WIPI2: variants seen among roughly 807,000 people sequenced by gnomAD.
WIPI2 encodes WD repeat domain phosphoinositide-interacting protein 2.
In WIPI2, 28 loss-of-function variants were observed where a neutral mutation model predicts 52.3. That is an observed-to-expected ratio of 0.54 (90% CI 0.40 to 0.73). WIPI2 has a LOEUF of 0.73. Ranked by LOEUF, WIPI2 falls within the 30% of genes least tolerant of loss-of-function variation. The probability of loss-of-function intolerance (pLI) is 0.00; values close to 1 mark genes in which losing one functional copy is unlikely to be tolerated. For synonymous variants in WIPI2, 268 were observed against 245.0 expected, an observed-to-expected ratio of 1.09 and a Z score of -0.88; for missense variants, 506 against 602.9, an observed-to-expected ratio of 0.84 and a Z score of 1.68.
At chr7:5,217,358 G>A in intron 6 of WIPI2, 171 bp downstream of exon 6, 2 of 677,528 alleles carry the variant, frequency 3.0e-6, no homozygotes, top group South Asian at 3.4e-5. Flanking sequence ...ATGCTGGAGT[G>A]CAGTGGTGCA....
Position 5,233,104 on chromosome 7 carries a change from G to T in WIPI2, c.*2157G>T, listed in dbSNP as rs1158204300. On this transcript the variant is annotated 3_prime_UTR_variant, in exon 13 of 13. Coordinates refer to ENST00000288828, the MANE Select transcript of WIPI2 (RefSeq NM_015610.4). ...CCACGGGAAGCCCTGTGCTTGCCTG[G>T]GTCAGGGCTAAGCTGTGCGCCCTAG... is the stretch of plus-strand genomic sequence containing the variant. The T allele has an allele frequency of 6.6e-6, 1 of 152,308 alleles. No homozygotes were observed. Among genetic ancestry groups the T allele is most frequent in the African/African-American group, 2.4e-5 (1 of 41,460 alleles). 9.4% of individuals were successfully genotyped at this position (152,308 alleles called of 1,614,324 possible).
Position 5,227,276 on chromosome 7 carries a change from C to T in WIPI2, c.945C>T (p.Asn315=). 1 of 1,613,760 alleles carries T rather than the reference C, an allele frequency of 6.2e-7. No homozygotes were observed. The highest frequency in any genetic ancestry group is 1.1e-5 in the South Asian group (1 of 91,090). ...YLPSQVTEMF[N]QGRAFATVRL... The stretch of plus-strand genomic sequence containing the variant: ...CTTCCCAAGTGACAGAAATGTTCAA[C>T]CAGGGCAGAGCCTTCGCCACGGTCC... The change falls in exon 10 of 13, where the codon AAC becomes AAT. Residue 315 remains asparagine, a synonymous_variant. Coordinates refer to ENST00000288828, the MANE Select transcript of WIPI2 (RefSeq NM_015610.4). This position sits in a 1 kb window ranked among gnomAD's most constrained non-coding sequence, Gnocchi z 8.1.
In WIPI2 at chr7:5,227,119, G is replaced by A; in HGVS notation, c.849-61G>A. On this transcript the variant is annotated intron_variant, in intron 9 of 12. Transcript: ENST00000288828. This position sits in a 1 kb window ranked among gnomAD's most constrained non-coding sequence, Gnocchi z 8.1. The stretch of plus-strand genomic sequence containing the variant: ...CCAGAGCTGTGCGTCTGTGTGAGTA[G>A]GGGGTGGCCGTCCCCCCAGGGAGGG... 3 of 1,599,404 alleles carry A rather than the reference G, an allele frequency of 1.9e-6. No homozygotes were observed. Among genetic ancestry groups the A allele is most frequent in the Non-Finnish European group, 2.6e-6 (3 of 1,171,806 alleles).
In WIPI2 at chr7:5,197,111, C is replaced by CAA. The variant is rs1562384541; in HGVS notation, c.129-2460_129-2459dup. 1.4e-3 allele frequency among the ~76,000 whole-genome samples: 78 copies of CAA among 56,394 alleles called. 4 individuals are homozygous for CAA. The highest frequency in any genetic ancestry group is 5.6e-3 in the African/African-American group (57 of 10,210). 37.0% of individuals were successfully genotyped at this position (56,394 alleles called of 152,430 possible). ...TGCATGACAGAGCGGGACTCCGTCT[C>CAA]AAAAAACAAAAAAAAAAAAAAAAAA... On this transcript the variant is annotated intron_variant, in intron 2 of 12. Coordinates refer to ENST00000288828, the MANE Select transcript of WIPI2 (RefSeq NM_015610.4).
At chr7:5,194,558 A>G (rs1376172148) in intron 2 of WIPI2, among the ~76,000 whole-genome samples, 1 of 152,232 alleles carries the variant, frequency 6.6e-6, no homozygotes, top group Non-Finnish European at 1.5e-5. Flanking sequence ...ATAAGCATTT[A>G]TTTTGGTTCC....
chr7:5,209,853 A>G (rs1782466504), intron 3 of WIPI2, among the ~76,000 whole-genome samples: 2 of 152,122 alleles, frequency 1.3e-5, no homozygotes, highest in South Asian at 4.2e-4. Context: ...GCCCATGCAT[A>G]TCCCCCAGCC....
chr7:5,225,620 T>C (rs1783389291), intron 8 of WIPI2, among the ~76,000 whole-genome samples: 1 of 152,232 alleles, frequency 6.6e-6, no homozygotes, highest in Admixed American at 6.5e-5. Context: ...AGCTTGCAGC[T>C]GTGTTAACGA....
At chr7:5,228,690 C>T (rs1254817595) in intron 11 of WIPI2, among the ~76,000 whole-genome samples, 2 of 152,234 alleles carry the variant, frequency 1.3e-5, no homozygotes, top group Non-Finnish European at 2.9e-5. Flanking sequence ...CATTTTCATT[C>T]TGTCTTACAT....
At chr7:5,221,607 G>C (rs1783132095) in intron 7 of WIPI2, among the ~76,000 whole-genome samples, 1 of 151,936 alleles carries the variant, frequency 6.6e-6, no homozygotes, top group Non-Finnish European at 1.5e-5. Flanking sequence ...TATTTTCTTG[G>C]CGCTTCTCTG....
In WIPI2 at chr7:5,231,921, G is replaced by T. The variant is rs1783740425; in HGVS notation, c.*974G>T. ...ACAGCAACAGAGAGTAGGCGGCTGG[G>T]CCACGTCCTTCACAGGGCGTCATGT... On this transcript the variant is annotated 3_prime_UTR_variant, in exon 13 of 13. Transcript: ENST00000288828. 3.1e-6 allele frequency: 1 copy of T among 326,992 alleles called. No homozygotes were observed. The highest frequency in any genetic ancestry group is 5.5e-6 in the Non-Finnish European group (1 of 180,790). 20.3% of individuals were successfully genotyped at this position (326,992 alleles called of 1,614,324 possible).
At chr7:5,193,889 C>G (rs905418941) in intron 2 of WIPI2, among the ~76,000 whole-genome samples, 3 of 152,144 alleles carry the variant, frequency 2.0e-5, no homozygotes, top group African/African-American at 7.2e-5. Context: ...AAGATGGTTT[C>G]TAAGATCCTT....
intron 7 of WIPI2, among the ~76,000 whole-genome samples, chr7:5,220,410 T>C (rs747591542): frequency 1.3e-5 from 2 of 151,754 alleles, no homozygotes; most frequent in African/African-American, 2.4e-5. Flanking sequence ...ACCCAGCTAA[T>C]TTTTGTATTT....
intron 5 of WIPI2, 98 bp from the exon 6 acceptor site, chr7:5,216,992 C>A (rs1273206971): frequency 1.6e-6 from 2 of 1,239,616 alleles, no homozygotes; most frequent in Non-Finnish European, 2.3e-6. Flanking sequence ...ATTATTTGTT[C>A]CTAATGCTCT....
intron 6 of WIPI2, chr7:5,217,393 C>T (rs1340794862): frequency 1.8e-6 from 1 of 570,468 alleles, no homozygotes; most frequent in Non-Finnish European, 3.2e-6. Context: ...CAGCCTCAAC[C>T]TCCTGGGCTC....
chr7:5,214,442 G>T, intron 3 of WIPI2, 93 bp from the exon 4 acceptor site: 1 of 1,612,660 alleles, frequency 6.2e-7, no homozygotes, highest in Non-Finnish European at 8.5e-7. Context: ...CCTGCGTGTC[G>T]CCCAGGCAGG....
chr7:5,202,046 CAG>C (rs1319578310), intron 3 of WIPI2, among the ~76,000 whole-genome samples: 4 of 152,004 alleles, frequency 2.6e-5, no homozygotes, highest in Admixed American at 2.0e-4. Flanking sequence ...TAGGTGGACT[CAG>C]AGGAAAGAAT....
intron 3 of WIPI2, among the ~76,000 whole-genome samples, chr7:5,200,141 G>C (rs1221474722): frequency 6.6e-6 from 1 of 152,182 alleles, no homozygotes; most frequent in Non-Finnish European, 1.5e-5. Flanking sequence ...GTCATGTTTT[G>C]TGTGGTTCTA....
chr7:5,193,224 A>G (rs1331713129), intron 2 of WIPI2, 53 bp downstream of exon 2: 4 of 1,590,032 alleles, frequency 2.5e-6, no homozygotes, highest in South Asian at 2.3e-5. Context: ...CTTATGTTAG[A>G]GGACTTTTTT....
At position 5,205,165 on chromosome 7, in the gene WIPI2, G is replaced by A. The variant is rs193047286; in HGVS notation, c.211+5507G>A. Among the ~76,000 whole-genome samples, 853 of 152,246 alleles carry A rather than the reference G, an allele frequency of 5.6e-3. 7 individuals carry two copies. The highest frequency in any genetic ancestry group is 0.02 in the African/African-American group (825 of 41,538). ...TACATTTTGTATTTTTAGTAGAGACGGGGTTTCACCATGTTGGCTAGGCTG... is the reference window on the plus strand; with the variant it reads ...TACATTTTGTATTTTTAGTAGAGACAGGGTTTCACCATGTTGGCTAGGCTG... On this transcript the variant is annotated intron_variant, in intron 3 of 12. Coordinates refer to ENST00000288828, the MANE Select transcript of WIPI2 (RefSeq NM_015610.4).
Sources: gnomAD v4.1 joint callset for allele counts (sites outside exome capture counted in the v4.1 genomes callset) on GRCh38, gnomAD v4.1.1 for gene constraint, Gnocchi (gnomAD v3.1) non-coding constraint, MANE v1.5 for transcripts, NCBI Gene and HGNC (gene_info 2026-07-23, HGNC 2026-07-21) for gene names.